CDH13: variants seen among roughly 807,000 people sequenced by gnomAD.
The protein encoded by CDH13 is cadherin-13.
Under a neutral mutation model 63.8 loss-of-function variants are expected in CDH13, and 24 were observed. That is an observed-to-expected ratio of 0.38 (90% CI 0.27 to 0.53). CDH13 has a LOEUF of 0.53. Ranked by LOEUF, CDH13 falls within the 20% of genes least tolerant of loss-of-function variation. The pLI is 0.85. For missense variants in CDH13, 1,049 were observed against 903.1 expected (o/e 1.16, Z -2.07); for synonymous variants, 503 against 355.3 (o/e 1.42, Z -4.67).
At chr16:83,450,634 G>T (rs749904325) in intron 6 of CDH13, among the ~76,000 whole-genome samples, 2 of 152,196 alleles carry the variant, frequency 1.3e-5, no homozygotes, top group Non-Finnish European at 2.9e-5. Flanking sequence ...AGTTTGGGAG[G>T]CCAAGGCAGG....
intron 1 of CDH13, among the ~76,000 whole-genome samples, chr16:82,667,567 C>G (rs1912741743): frequency 6.9e-6 from 1 of 144,226 alleles, no homozygotes; most frequent in Admixed American, 6.8e-5. Context: ...AAGCCCTTGG[C>G]AAGGGCGGAG....
intron 1 of CDH13, among the ~76,000 whole-genome samples, chr16:82,798,883 C>A (rs563224195): frequency 4.0e-5 from 6 of 151,878 alleles, no homozygotes; most frequent in Non-Finnish European, 5.9e-5. Flanking sequence ...TAACAGGAAC[C>A]CTTGGAAGTG....
At chr16:83,260,958 G>A (rs1051015781) in intron 5 of CDH13, among the ~76,000 whole-genome samples, 1 of 152,138 alleles carries the variant, frequency 6.6e-6, no homozygotes, top group African/African-American at 2.4e-5. Flanking sequence ...TCTGGGCTTT[G>A]GTAGCAGGAA....
At chr16:83,521,995 A>G (rs2074848609) in intron 7 of CDH13, among the ~76,000 whole-genome samples, 1 of 152,182 alleles carries the variant, frequency 6.6e-6, no homozygotes, top group South Asian at 2.1e-4. Context: ...CCCTCATGTG[A>G]GGGATGGAGA....
chr16:83,650,109 A>C (rs1912223219), intron 8 of CDH13, among the ~76,000 whole-genome samples: 1 of 152,170 alleles, frequency 6.6e-6, no homozygotes, highest in East Asian at 1.9e-4. Flanking sequence ...AGGTTGATGG[A>C]ACTTGACCCT....
rs1047533889 is a variant in CDH13 at position 83,797,651 on chromosome 16, A to G, written c.*2621A>G. On this transcript the variant is annotated 3_prime_UTR_variant, in exon 14 of 14. Coordinates refer to ENST00000567109, the MANE Select transcript of CDH13 (RefSeq NM_001257.5). ...TACTGAAAACCATAGTAGAATCAAA[A>G]TGTTATTTCATTATTACCTATGCAT... 7 of 152,348 alleles carry G rather than the reference A, an allele frequency of 4.6e-5. No homozygotes were observed. Among genetic ancestry groups the G allele is most frequent in the African/African-American group, 1.4e-4 (6 of 41,584 alleles). 9.4% of individuals were successfully genotyped at this position (152,348 alleles called of 1,614,324 possible).
At chr16:82,814,941 T>C (rs758457277) in intron 1 of CDH13, among the ~76,000 whole-genome samples, 2 of 152,116 alleles carry the variant, frequency 1.3e-5, no homozygotes, top group Non-Finnish European at 2.9e-5. Flanking sequence ...CTTGATGTAT[T>C]GGGGAAAAAC....
intron 2 of CDH13, among the ~76,000 whole-genome samples, chr16:82,905,992 A>G (rs1023454097): frequency 2.6e-5 from 4 of 152,144 alleles, no homozygotes; most frequent in Admixed American, 6.5e-5. Flanking sequence ...GAAAAAATAC[A>G]CATATGTGTA....
intron 5 of CDH13, among the ~76,000 whole-genome samples, chr16:83,255,359 G>A (rs1302552906): frequency 6.6e-6 from 1 of 152,174 alleles, no homozygotes; most frequent in African/African-American, 2.4e-5. Context: ...GTGTATTTGT[G>A]CTTGCATTAG....
At chr16:83,353,496 T>G (rs563587540) in intron 6 of CDH13, among the ~76,000 whole-genome samples, 1 of 152,264 alleles carries the variant, frequency 6.6e-6, no homozygotes, top group Non-Finnish European at 1.5e-5. Context: ...AGAGAATGCC[T>G]GAACCCCTTT....
intron 8 of CDH13, among the ~76,000 whole-genome samples, chr16:83,632,463 G>A (rs1179930692): frequency 1.3e-5 from 2 of 151,918 alleles, no homozygotes; most frequent in Non-Finnish European, 2.9e-5. Context: ...TTATTATCAC[G>A]CCGAATCCTT....
At chr16:83,332,339 T>G (rs1036811702) in intron 5 of CDH13, among the ~76,000 whole-genome samples, 8 of 152,152 alleles carry the variant, frequency 5.3e-5, no homozygotes, top group Admixed American at 5.2e-4. Context: ...TCCTAATACT[T>G]AAATCCATCT....
chr16:82,792,201 A>C (rs1208471224), intron 1 of CDH13, among the ~76,000 whole-genome samples: 1 of 151,870 alleles, frequency 6.6e-6, no homozygotes, highest in Non-Finnish European at 1.5e-5. Flanking sequence ...TGATTCTACC[A>C]CCTTGCTGTC....
At chr16:83,492,933 C>T (rs1191258247) in intron 7 of CDH13, among the ~76,000 whole-genome samples, 6 of 152,206 alleles carry the variant, frequency 3.9e-5, no homozygotes, top group African/African-American at 7.2e-5. Flanking sequence ...TGGCTAGTCT[C>T]TTAGTATGAC....
At chr16:83,680,420 G>A (rs1915311521) in intron 10 of CDH13, among the ~76,000 whole-genome samples, 1 of 152,180 alleles carries the variant, frequency 6.6e-6, no homozygotes, top group Non-Finnish European at 1.5e-5. Flanking sequence ...ACTGCTGGGA[G>A]TATGGAGGCA....
rs965090886 is a variant in CDH13, at chr16:83,295,820, T to C, written c.637-49042T>C. Among the ~76,000 whole-genome samples, 4 of 152,170 alleles carry C rather than the reference T, an allele frequency of 2.6e-5. No homozygotes were observed. The East Asian group carries it at 7.7e-4, about 29-fold the overall frequency. ...TGATTCAACAATCTCACTAGGGTTATATATCCAAAGAAAATAACATCAATA... is the reference window on the plus strand; with the variant it reads ...TGATTCAACAATCTCACTAGGGTTACATATCCAAAGAAAATAACATCAATA... On this transcript the variant is annotated intron_variant, in intron 5 of 13. Coordinates refer to ENST00000567109, the MANE Select transcript of CDH13 (RefSeq NM_001257.5).
intron 7 of CDH13, among the ~76,000 whole-genome samples, chr16:83,551,906 G>A (rs749401617): frequency 1.3e-5 from 2 of 152,192 alleles, no homozygotes; most frequent in Admixed American, 6.5e-5. Context: ...AAGAAAAAAT[G>A]GATGGATGAA....
chr16:83,095,414 A>G (rs937639400), intron 3 of CDH13, among the ~76,000 whole-genome samples: 4 of 152,248 alleles, frequency 2.6e-5, no homozygotes, highest in Non-Finnish European at 4.4e-5. Flanking sequence ...GGCAATTTGT[A>G]AACATCATCA....
chr16:83,291,417 C>T (rs892635652), intron 5 of CDH13, among the ~76,000 whole-genome samples: 8 of 152,050 alleles, frequency 5.3e-5, no homozygotes, highest in Admixed American at 1.3e-4. Flanking sequence ...TGAGGTTTGG[C>T]GACCCAGCTA....
Sources: gnomAD v4.1 joint callset for allele counts (sites outside exome capture counted in the v4.1 genomes callset) on GRCh38, gnomAD v4.1.1 for gene constraint, MANE v1.5 for transcripts, NCBI Gene and HGNC (gene_info 2026-07-23, HGNC 2026-07-21) for gene names.